Variants in STAB2 observed in about 807,000 individuals in gnomAD.
STAB2 encodes stabilin 2.
A neutral mutation model predicts 338.1 loss-of-function variants in STAB2; 288 were observed. That is an observed-to-expected ratio of 0.85 (90% CI 0.77 to 0.94). STAB2 has a LOEUF of 0.94. Ranked by LOEUF, STAB2 falls within the 40% of genes least tolerant of loss-of-function variation. The pLI is 0.00. For missense variants in STAB2, 3,141 were observed against 3,210.1 expected, an observed-to-expected ratio of 0.98 and a Z score of 0.52; for synonymous variants, 1,202 against 1,193.3, an observed-to-expected ratio of 1.01 and a Z score of -0.15.
intron 6 of STAB2, among the ~76,000 whole-genome samples, chr12:103,635,216 C>T (rs1262291551): frequency 6.6e-6 from 1 of 152,234 alleles, no homozygotes; most frequent in African/African-American, 2.4e-5. Flanking sequence ...AAAGGGCAGG[C>T]ATGCTCACTG....
Position 103,685,012 on chromosome 12 carries a change from TG to T in STAB2, c.2927del (p.Gly976ValfsTer39). On this transcript the variant is annotated frameshift_variant, in exon 27 of 69. Coordinates refer to ENST00000388887, the MANE Select transcript of STAB2 (RefSeq NM_017564.10). LOFTEE classifies it high-confidence loss of function. Reference protein sequence around the residue: ...PLASCQSTSSGVWSCVCQEGY... With the variant: ...PLASCQSTSSXVWSCVCQEGY... ...AGGCAAGCTGTCAATCTACTTCGTC[TG>T]GTGTCTGGAGCTGTGTTTGTCAAGA... 7.4e-6 allele frequency: 12 copies of T among 1,614,016 alleles called. No homozygotes were observed. Among genetic ancestry groups the T allele is most frequent in the Non-Finnish European group, 1.0e-5 (12 of 1,179,890 alleles).
intron 34 of STAB2, 38 bp from the exon 35 acceptor site, chr12:103,703,110 A>C (rs1879047698): frequency 6.3e-7 from 1 of 1,599,042 alleles, no homozygotes; most frequent in Non-Finnish European, 8.5e-7. Context: ...ATCTCTTTAA[A>C]TGTCATAAAA....
At chr12:103,744,667 G>A (rs1324024590) in intron 56 of STAB2, among the ~76,000 whole-genome samples, 2 of 150,554 alleles carry the variant, frequency 1.3e-5, no homozygotes, top group African/African-American at 4.9e-5. Flanking sequence ...GTAGATACGG[G>A]GTTGCACCAT....
In STAB2 at chr12:103,701,855, C is replaced by T. The variant is rs375977289; in HGVS notation, c.3715-1293C>T. On this transcript the variant is annotated intron_variant, in intron 34 of 68. Coordinates refer to ENST00000388887, the MANE Select transcript of STAB2 (RefSeq NM_017564.10). The stretch of plus-strand genomic sequence containing the variant: ...ATTCAGTGGAAGTTTGAATTAAGCA[C>T]TTAGTACGGTCATTTTAATATTGCT... Among the ~76,000 whole-genome samples the T allele has an allele frequency of 9.2e-5, 14 of 152,094 alleles. No individual in the cohort carries two copies. The East Asian group carries it at 2.5e-3, about 27-fold the overall frequency.
chr12:103,735,627 C>G, intron 52 of STAB2, 47 bp downstream of exon 52: 1 of 1,300,896 alleles, frequency 7.7e-7, no homozygotes, highest in Admixed American at 2.1e-5. Flanking sequence ...AACACATTCA[C>G]AGCAAGCTAT....
At chr12:103,603,138 T>A (rs1471709019) in intron 3 of STAB2, among the ~76,000 whole-genome samples, 1 of 152,190 alleles carries the variant, frequency 6.6e-6, no homozygotes, top group African/African-American at 2.4e-5. Context: ...TGGCGCGATC[T>A]CGGCTCACTG....
At chr12:103,715,167 A>G (rs1464818594) in intron 42 of STAB2, among the ~76,000 whole-genome samples, 1 of 152,146 alleles carries the variant, frequency 6.6e-6, no homozygotes, top group Non-Finnish European at 1.5e-5. Context: ...TCTTAGATTC[A>G]GGTTATACAT....
chr12:103,654,492 T>C, intron 12 of STAB2, 63 bp from the exon 13 acceptor site: 2 of 1,528,598 alleles, frequency 1.3e-6, no homozygotes, highest in Non-Finnish European at 1.8e-6. Flanking sequence ...CTGACTCTAC[T>C]CCAGTGCTTG....
chr12:103,707,037 G>C (rs1879430745), intron 38 of STAB2, 50 bp downstream of exon 38: 1 of 1,592,126 alleles, frequency 6.3e-7, no homozygotes, highest in Admixed American at 1.7e-5. Context: ...AAACCAACCA[G>C]GAATATGCAG....
chr12:103,752,516 G>A (rs1011890830), intron 60 of STAB2, among the ~76,000 whole-genome samples: 4 of 152,164 alleles, frequency 2.6e-5, no homozygotes, highest in Non-Finnish European at 4.4e-5. Context: ...GTTTGGTTAG[G>A]AAAGGTATCA....
At chr12:103,759,526 C>T (rs148855408) in intron 65 of STAB2, among the ~76,000 whole-genome samples, 120 of 152,262 alleles carry the variant, frequency 7.9e-4, no homozygotes, top group African/African-American at 2.8e-3. Context: ...GCTGATTCTC[C>T]GCCTTCATTT....
At position 103,750,579 on chromosome 12, in the gene STAB2, G is replaced by C; in HGVS notation, c.6439G>C (p.Gly2147Arg). Residue 2147 changes from glycine (G) to arginine (R), a missense_variant and splice_region_variant, in exon 60 of 69, where the codon GGC (glycine) becomes CGC (arginine). By Grantham distance (125) the Gly-to-Arg change is moderately radical. Transcript: ENST00000388887. The part of the protein sequence containing the change: ...EHATCKMTGP[G>R]KHKCECKSHY... Reference sequence around the variant, plus strand: ...ATCTCTTCCCACTCTCCCTCCACAGGGCAAGCACAAGTGTGAGTGTAAAAG... The same window carrying C: ...ATCTCTTCCCACTCTCCCTCCACAGCGCAAGCACAAGTGTGAGTGTAAAAG... 1 of 1,614,086 alleles carries C rather than the reference G, an allele frequency of 6.2e-7. No individual in the cohort carries two copies. The highest frequency in any genetic ancestry group is 8.5e-7 in the Non-Finnish European group (1 of 1,179,964).
At chr12:103,762,174 T>G in intron 66 of STAB2, 100 bp from the exon 67 acceptor site, 1 of 1,514,946 alleles carries the variant, frequency 6.6e-7, no homozygotes, top group South Asian at 1.2e-5. Flanking sequence ...GTCAGTATTT[T>G]TATCCCCACT....
At chr12:103,650,619 A>C in intron 11 of STAB2, 41 bp downstream of exon 11, 1 of 1,557,538 alleles carries the variant, frequency 6.4e-7, no homozygotes, top group South Asian at 1.1e-5. Flanking sequence ...GGCTAATATG[A>C]AAAGCCTTAG....
chr12:103,739,389 G>C (rs371264737), intron 53 of STAB2, 23 bp from the exon 54 acceptor site: 42 of 1,560,496 alleles, frequency 2.7e-5, no homozygotes, highest in Non-Finnish European at 3.6e-5. Context: ...TGGTTTTCAA[G>C]TGTTTCTTTT....
intron 4 of STAB2, 61 bp downstream of exon 4, chr12:103,620,614 A>C: frequency 7.4e-7 from 1 of 1,350,484 alleles, no homozygotes; most frequent in South Asian, 1.3e-5. Context: ...TTACCTGTTG[A>C]TCCTCCTTAA....
At chr12:103,676,445 G>A (rs946865311) in intron 24 of STAB2, among the ~76,000 whole-genome samples, 27 of 152,130 alleles carry the variant, frequency 1.8e-4, no homozygotes, top group African/African-American at 6.5e-4. Context: ...GTCAATGTCT[G>A]ATCACTTTTC....
chr12:103,653,840 G>GTGGA (rs148948039), intron 12 of STAB2, among the ~76,000 whole-genome samples: 26,186 of 138,924 alleles, frequency 0.19, 2,572 homozygotes, highest in South Asian at 0.28. Flanking sequence ...CACCGGATGG[G>GTGGA]TGGATGGATG....
chr12:103,595,609 C>T (rs1282893135), intron 3 of STAB2, among the ~76,000 whole-genome samples: 1 of 152,120 alleles, frequency 6.6e-6, no homozygotes, highest in Non-Finnish European at 1.5e-5. Flanking sequence ...CTTGTATTTA[C>T]TCAATATTGC....
Sources: gnomAD v4.1 joint callset for allele counts (sites outside exome capture counted in the v4.1 genomes callset) on GRCh38, gnomAD v4.1.1 for gene constraint, MANE v1.5 for transcripts, NCBI Gene and HGNC (gene_info 2026-07-23, HGNC 2026-07-21) for gene names.